Variants in SH3TC1 observed in about 807,000 individuals in gnomAD.
SH3TC1 encodes SH3 domain and tetratricopeptide repeat-containing protein 1.
In SH3TC1, 135 loss-of-function variants were observed where a neutral mutation model predicts 117.3. The observed-to-expected ratio is 1.15, with a 90% CI of 1.00 to 1.33. SH3TC1 has a LOEUF of 1.33. SH3TC1 is among the 40% of genes most tolerant of loss of function. The probability of loss-of-function intolerance (pLI) is 0.00; values close to 1 mark genes in which losing one functional copy is unlikely to be tolerated. For missense variants in SH3TC1, 2,092 were observed against 1,794.3 expected (o/e 1.17, Z -3.00); for synonymous variants, 898 against 816.9 (o/e 1.10, Z -1.69).
rs114704496 is a variant in SH3TC1 at position 8,234,612 on chromosome 4, T to C, written c.3283-821T>C. Among the ~76,000 whole-genome samples, 262 of 152,194 alleles carry C rather than the reference T, an allele frequency of 1.7e-3. 1 individual carries two copies. The highest frequency in any genetic ancestry group is 5.9e-3 in the African/African-American group (243 of 41,518). ...CCATCCATCCATCCATCCATGTACCTATACATCTGCTCATCCATTTATCCA... is the reference window on the plus strand; with the variant it reads ...CCATCCATCCATCCATCCATGTACCCATACATCTGCTCATCCATTTATCCA... On this transcript the variant is annotated intron_variant, in intron 14 of 17. Transcript: ENST00000245105.
Position 8,205,098 on chromosome 4 carries a change from G to A in SH3TC1, c.-28-69G>A, listed in dbSNP as rs569551597. 20 of 1,312,956 alleles carry A rather than the reference G, an allele frequency of 1.5e-5. 1 individual carries two copies. In the South Asian group the frequency reaches 2.8e-4, roughly 18 times the overall value. 81.3% of individuals were successfully genotyped at this position (1,312,956 alleles called of 1,614,324 possible). ...CTGGTGTTCTCTTTCTGGACCCCAG[G>A]CCTGGACACAACCTCCGTGCTGGTT... is the stretch of plus-strand genomic sequence containing the variant. On this transcript the variant is annotated intron_variant, in intron 1 of 17. Coordinates refer to ENST00000245105, the MANE Select transcript of SH3TC1 (RefSeq NM_018986.5). The surrounding 1 kb of genome is among the most constrained non-coding windows in gnomAD (Gnocchi z 5.4).
At chr4:8,202,523 C>T (rs997384792) in intron 1 of SH3TC1, among the ~76,000 whole-genome samples, 30 of 152,374 alleles carry the variant, frequency 2.0e-4, no homozygotes, top group African/African-American at 5.8e-4. Context: ...TTCCCGGCCC[C>T]CACAGGTCCT....
rs58753240 is a variant in SH3TC1, at chr4:8,206,832, CGTGTGTGTGTGTGT to C, written c.172+1490_172+1503del. ...AGGACTTTTACTTTGTGTGTGTACT[CGTGTGTGTGTGTGT>C]GTGTGTGTGTGTGTGTGTGTGTGAT... is the stretch of plus-strand genomic sequence containing the variant. On this transcript the variant is annotated intron_variant, in intron 2 of 17. Transcript: ENST00000245105. The surrounding 1 kb of genome is among the most constrained non-coding windows in gnomAD (Gnocchi z 5.5). 5.5e-3 allele frequency among the ~76,000 whole-genome samples: 791 copies of C among 144,748 alleles called. 9 individuals are homozygous for C. Among genetic ancestry groups the C allele is most frequent in the African/African-American group, 0.019 (760 of 39,294 alleles). 95.0% of individuals were successfully genotyped at this position (144,748 alleles called of 152,430 possible).
rs924243281 is a variant in SH3TC1 at position 8,192,116 on chromosome 4, A to G, written c.-57+9906A>G. ...GTGATTCTCTCACCTCTGCCTCCCA[A>G]GTAGCTAAGATTACAGGCACCTGCC... is the stretch of plus-strand genomic sequence containing the variant. On this transcript the variant is annotated intron_variant, in intron 1 of 16. Coordinates refer to the SH3TC1 transcript ENST00000508641. The surrounding 1 kb of genome is among the most constrained non-coding windows in gnomAD (Gnocchi z 4.1). 1.3e-5 allele frequency among the ~76,000 whole-genome samples: 2 copies of G among 151,694 alleles called. No individual in the cohort carries two copies. Among genetic ancestry groups the G allele is most frequent in the Non-Finnish European group, 2.9e-5 (2 of 67,962 alleles).
Position 8,205,474 on chromosome 4 carries a change from G to C in SH3TC1, c.172+108G>C. On this transcript the variant is annotated intron_variant, in intron 2 of 17. Transcript: ENST00000245105. The surrounding 1 kb of genome is among the most constrained non-coding windows in gnomAD (Gnocchi z 5.4). ...ACCCTGCCTGCCTCCAGGCCTCTTGGGGCTGGGGCTGGAGTCTGCTCTCCA... is the reference window on the plus strand; with the variant it reads ...ACCCTGCCTGCCTCCAGGCCTCTTGCGGCTGGGGCTGGAGTCTGCTCTCCA... The C allele has an allele frequency of 7.0e-7, 1 of 1,427,968 alleles. No individual in the cohort carries two copies. Among genetic ancestry groups the C allele is most frequent in the South Asian group, 1.2e-5 (1 of 85,368 alleles). 88.5% of individuals were successfully genotyped at this position (1,427,968 alleles called of 1,614,324 possible).
intron 1 of SH3TC1, among the ~76,000 whole-genome samples, chr4:8,204,529 G>T (rs952297202): frequency 2.0e-5 from 3 of 152,148 alleles, no homozygotes; most frequent in African/African-American, 7.2e-5. Flanking sequence ...GAACAGTGAG[G>T]CCCCCCATGA....
At chr4:8,236,644 T>G (rs1721845593) in intron 16 of SH3TC1, 2 of 505,040 alleles carry the variant, frequency 4.0e-6, no homozygotes, top group Admixed American at 8.0e-5. Flanking sequence ...CTCTGCTTCC[T>G]GTGCCTCTTC....
chr4:8,212,558 C>G, intron 3 of SH3TC1, 143 bp from the exon 4 acceptor site: 1 of 1,142,728 alleles, frequency 8.8e-7, no homozygotes, highest in Non-Finnish European at 1.2e-6. Flanking sequence ...GATCTAAACC[C>G]GGGGCTTGGG....
rs372256904 is a variant in SH3TC1 at position 8,222,815 on chromosome 4, G to C, written c.1113-25G>C. ...GCTGACTTTGCAAATATGTTGTTTTGAATAAAGCACTTTATTTTTTCCAGG... is the reference window on the plus strand; with the variant it reads ...GCTGACTTTGCAAATATGTTGTTTTCAATAAAGCACTTTATTTTTTCCAGG... On this transcript the variant is annotated intron_variant, in intron 9 of 17. Transcript: ENST00000245105. The C allele has an allele frequency of 8.1e-6, 13 of 1,603,946 alleles. No homozygotes were observed. In the African/African-American group the frequency reaches 1.7e-4, roughly 21 times the overall value.
chr4:8,218,738 G>T (rs1719585383), intron 8 of SH3TC1, among the ~76,000 whole-genome samples: 1 of 152,260 alleles, frequency 6.6e-6, no homozygotes, highest in Non-Finnish European at 1.5e-5. Flanking sequence ...AAGGCCCTGG[G>T]CCGAGGTGGG....
chr4:8,234,569 A>G (rs975894332), intron 14 of SH3TC1, among the ~76,000 whole-genome samples: 12 of 148,354 alleles, frequency 8.1e-5, no homozygotes, highest in Admixed American at 5.4e-4. Flanking sequence ...TCATCCATTT[A>G]TCCATCCATC....
intron 13 of SH3TC1, chr4:8,232,829 T>C: frequency 7.8e-7 from 1 of 1,280,168 alleles, no homozygotes; most frequent in Non-Finnish European, 1.0e-6. Flanking sequence ...AGCAGGAAAA[T>C]GGGCCAGTGT....
intron 1 of SH3TC1, chr4:8,204,823 G>C (rs1718064543): frequency 5.3e-6 from 1 of 189,838 alleles, no homozygotes; most frequent in Admixed American, 6.0e-5. Flanking sequence ...TGTTGGGTGT[G>C]ACGGCCCAGC....
At chr4:8,200,800 A>G (rs1717782372) in intron 1 of SH3TC1, among the ~76,000 whole-genome samples, 1 of 152,196 alleles carries the variant, frequency 6.6e-6, no homozygotes, top group South Asian at 2.1e-4. Flanking sequence ...CCTGTGGCTC[A>G]GGGCGCTCCT....
chr4:8,231,730 T>C (rs914558534), intron 12 of SH3TC1: 1 of 537,264 alleles, frequency 1.9e-6, no homozygotes, highest in Admixed American at 3.5e-5. Flanking sequence ...CAGAAATAGA[T>C]GGCCTGGTGC....
chr4:8,188,858 G>A (rs183487061), intron 1 of SH3TC1, among the ~76,000 whole-genome samples: 159 of 152,352 alleles, frequency 1.0e-3, no homozygotes, highest in African/African-American at 3.7e-3. Flanking sequence ...CCCGTCACGA[G>A]GCAGCCACCT....
chr4:8,228,027 C>A lies in SH3TC1; in HGVS notation c.2333C>A (p.Pro778Gln). 1 of 1,610,290 alleles carries A rather than the reference C, an allele frequency of 6.2e-7. No individual in the cohort carries two copies. Among genetic ancestry groups the A allele is most frequent in the Non-Finnish European group, 8.5e-7 (1 of 1,178,376 alleles). The change falls in exon 12 of 18, where the codon CCG becomes CAG. Residue 778 changes from proline (P) to glutamine (Q), a missense_variant. Pro to Gln is a moderately conservative substitution (Grantham distance 76, BLOSUM62 -1). Transcript: ENST00000245105. ...AGGCAAGCGCTGGCCTCCCTGACCC[C>A]GGGCACAGGCCAGGCGCTGCGCGGC... ...YLRQALASLT[P>Q]GTGQALRGPL...
intron 13 of SH3TC1, chr4:8,232,611 G>T (rs539597544): frequency 1.2e-4 from 166 of 1,334,402 alleles, no homozygotes; most frequent in Non-Finnish European, 1.5e-4. Context: ...CTGGGGCAGG[G>T]TTTCAAGGTC....
chr4:8,199,732 A>G (rs1717702196), intron 1 of SH3TC1, among the ~76,000 whole-genome samples: 1 of 152,136 alleles, frequency 6.6e-6, no homozygotes, highest in Non-Finnish European at 1.5e-5. Context: ...CTGGGAGCAG[A>G]GCCAGCCTGT....
Sources: allele counts gnomAD v4.1 joint callset (sites outside exome capture counted in the v4.1 genomes callset), GRCh38; gene constraint gnomAD v4.1.1; non-coding constraint Gnocchi (gnomAD v3.1); transcripts MANE v1.5; gene names NCBI Gene and HGNC (gene_info 2026-07-23, HGNC 2026-07-21).